Variants in GRIP1 observed in about 807,000 individuals in gnomAD.
The protein encoded by GRIP1 is glutamate receptor interacting protein 1.
Under a neutral mutation model 129.9 loss-of-function variants are expected in GRIP1, and 45 were observed. That is an observed-to-expected ratio of 0.35 (90% confidence interval 0.27 to 0.44). The LOEUF is 0.44. GRIP1 is among the 20% of genes least tolerant of loss of function. The pLI, the probability that GRIP1 is intolerant of heterozygous loss-of-function variation, is 1.00. For missense variants in GRIP1, 1,196 were observed against 1,396.8 expected, an observed-to-expected ratio of 0.86 and a Z score of 2.29; for synonymous variants, 530 against 520.8, an observed-to-expected ratio of 1.02 and a Z score of -0.24.
intron 1 of GRIP1, among the ~76,000 whole-genome samples, chr12:66,834,538 A>C (rs1049761737): frequency 6.6e-6 from 1 of 152,252 alleles, no homozygotes; most frequent in African/African-American, 2.4e-5. Flanking sequence ...AGTTTTACTT[A>C]AATAGTTAAT....
chr12:66,560,289 C>T (rs1450731020), intron 2 of GRIP1, among the ~76,000 whole-genome samples: 1 of 152,022 alleles, frequency 6.6e-6, no homozygotes, highest in Non-Finnish European at 1.5e-5. Flanking sequence ...ACTCCACAAG[C>T]ACAGGCAACC....
chr12:66,812,337 G>A (rs1006665723), intron 1 of GRIP1, among the ~76,000 whole-genome samples: 3 of 152,190 alleles, frequency 2.0e-5, no homozygotes, highest in African/African-American at 7.2e-5. Flanking sequence ...GTTTCACCAT[G>A]TTAGTCCAGC....
chr12:66,827,703 G>A (rs1422143223), intron 1 of GRIP1, among the ~76,000 whole-genome samples: 2 of 152,026 alleles, frequency 1.3e-5, no homozygotes, highest in Admixed American at 1.3e-4. Flanking sequence ...TGACAATGTT[G>A]ATTTGAAAAA....
At chr12:66,815,619 C>T (rs1263605624) in intron 1 of GRIP1, among the ~76,000 whole-genome samples, 4 of 151,918 alleles carry the variant, frequency 2.6e-5, no homozygotes, top group Non-Finnish European at 1.5e-5. Flanking sequence ...GAAAAATTAG[C>T]CAGGCTTTGT....
intron 1 of GRIP1, among the ~76,000 whole-genome samples, chr12:66,731,415 T>C (rs978091696): frequency 3.9e-5 from 6 of 152,212 alleles, no homozygotes; most frequent in African/African-American, 1.2e-4. Flanking sequence ...GAAGGTGCTA[T>C]AACCACATAA....
chr12:66,430,713 C>CTG (rs2058121859), intron 14 of GRIP1, among the ~76,000 whole-genome samples: 2 of 152,098 alleles, frequency 1.3e-5, no homozygotes, highest in South Asian at 4.1e-4. Flanking sequence ...TTATATCAAT[C>CTG]TGTAACTAAG....
chr12:66,627,801 C>A (rs1025177452), intron 1 of GRIP1, among the ~76,000 whole-genome samples: 2 of 152,116 alleles, frequency 1.3e-5, no homozygotes, highest in Middle Eastern at 3.4e-3. Flanking sequence ...GGAAATTTTA[C>A]AAAGGAAGAA....
intron 1 of GRIP1, among the ~76,000 whole-genome samples, chr12:66,901,180 C>G (rs1566828): frequency 0.35 from 52,493 of 152,132 alleles, 9,578 homozygotes; most frequent in East Asian, 0.45. Flanking sequence ...CTGAAATGTA[C>G]AGCTTTGTTT....
intron 15 of GRIP1, among the ~76,000 whole-genome samples, chr12:66,419,222 T>C (rs936107564): frequency 1.3e-5 from 2 of 152,164 alleles, no homozygotes; most frequent in Non-Finnish European, 2.9e-5. Flanking sequence ...TGTTCTCACT[T>C]ATTTGTGGTA....
intron 1 of GRIP1, among the ~76,000 whole-genome samples, chr12:66,962,625 C>T (rs2041938339): frequency 6.6e-6 from 1 of 152,138 alleles, no homozygotes; most frequent in Admixed American, 6.6e-5. Flanking sequence ...CAAACATACA[C>T]TTTAATGAGC....
intron 1 of GRIP1, among the ~76,000 whole-genome samples, chr12:66,845,475 A>G (rs545621725): frequency 1.8e-4 from 27 of 152,280 alleles, no homozygotes; most frequent in Middle Eastern, 3.4e-3. Flanking sequence ...AAACAAAACA[A>G]AAGATAAATA....
At chr12:67,019,310 C>T (rs1195028747) in intron 1 of GRIP1, among the ~76,000 whole-genome samples, 4 of 152,300 alleles carry the variant, frequency 2.6e-5, no homozygotes, top group African/African-American at 9.6e-5. Flanking sequence ...CTCAGGAGGC[C>T]TGCATGGTGC....
At chr12:66,773,577 G>A (rs1466209589) in intron 1 of GRIP1, among the ~76,000 whole-genome samples, 2 of 152,140 alleles carry the variant, frequency 1.3e-5, no homozygotes, top group African/African-American at 4.8e-5. Flanking sequence ...GGCTAGGGGA[G>A]TGATAGCATT....
chr12:66,502,802 A>C (rs1467853126), intron 7 of GRIP1, among the ~76,000 whole-genome samples: 1 of 151,720 alleles, frequency 6.6e-6, no homozygotes, highest in Non-Finnish European at 1.5e-5. Flanking sequence ...CAATTAAACC[A>C]CTCTTCTTTA....
At position 66,406,454 on chromosome 12, in the gene GRIP1, T is replaced by G. The variant is rs151254451; in HGVS notation, c.1839-26A>C. 231 of 1,610,158 alleles carry G rather than the reference T, an allele frequency of 1.4e-4. No individual in the cohort carries two copies. The African/African-American group carries it at 2.4e-3, about 17-fold the overall frequency. ...CTGTTAGTGAATGCAAAGTAACACA[T>G]GACTAATGATGAGCACTTAACTAGG... On this transcript the variant is annotated intron_variant, in intron 15 of 24. Transcript: ENST00000359742.
chr12:66,739,102 T>C (rs902017970), intron 1 of GRIP1, among the ~76,000 whole-genome samples: 18 of 152,148 alleles, frequency 1.2e-4, no homozygotes. Context: ...GATAAAATTC[T>C]GGGCTAAAAA....
At position 66,517,893 on chromosome 12, in the gene GRIP1, A is replaced by C; in HGVS notation, c.578+8T>G. On this transcript the variant is annotated splice_region_variant and intron_variant, in intron 6 of 24. Transcript: ENST00000359742. ...TTTTGGATAGTGACACAGAAAGATAAAGTTTACCTGTCAGCAGGCCCTCCA... is the reference window on the plus strand; with the variant it reads ...TTTTGGATAGTGACACAGAAAGATACAGTTTACCTGTCAGCAGGCCCTCCA... 2 of 1,428,956 alleles carry C rather than the reference A, an allele frequency of 1.4e-6. No homozygotes were observed. Among genetic ancestry groups the C allele is most frequent in the Non-Finnish European group, 2.0e-6 (2 of 1,010,752 alleles). 88.5% of individuals were successfully genotyped at this position (1,428,956 alleles called of 1,614,324 possible). A position where few individuals can be genotyped will look rare whatever the true frequency, so the allele number is the denominator to read the frequency against.
chr12:66,533,887 A>ACT (rs71436010), intron 4 of GRIP1, among the ~76,000 whole-genome samples: 28,982 of 147,942 alleles, frequency 0.2, 3,026 homozygotes, highest in African/African-American at 0.23. Flanking sequence ...ACATACACAC[A>ACT]CTCTCTCTCT....
At chr12:66,478,933 A>C (rs946546618) in intron 7 of GRIP1, among the ~76,000 whole-genome samples, 4 of 152,306 alleles carry the variant, frequency 2.6e-5, no homozygotes, top group African/African-American at 9.6e-5. Context: ...AGTGTAAATG[A>C]CGAGTTAATG....
Sources: allele counts gnomAD v4.1 joint callset (sites outside exome capture counted in the v4.1 genomes callset), GRCh38; gene constraint gnomAD v4.1.1; transcripts MANE v1.5; gene names NCBI Gene and HGNC (gene_info 2026-07-23, HGNC 2026-07-21).